Variants in PRKDC observed in about 807,000 individuals in gnomAD.
The protein encoded by PRKDC is protein kinase, DNA-activated, catalytic subunit.
Under a neutral mutation model 486.9 loss-of-function variants are expected in PRKDC, and 82 were observed. The observed-to-expected ratio is 0.17, with a 90% CI of 0.14 to 0.20. The LOEUF (loss-of-function observed/expected upper bound fraction) is 0.20, where lower values mean the gene tolerates loss of function less well. Ranked by LOEUF, PRKDC falls within the 10% of genes least tolerant of loss-of-function variation. The pLI is 1.00. For missense variants in PRKDC, 4,504 were observed against 5,038.2 expected (o/e 0.89, Z 3.21); for synonymous variants, 1,895 against 1,837.0 (o/e 1.03, Z -0.81).
chr8:47,841,249 C>T (rs2088135550), intron 54 of PRKDC, among the ~76,000 whole-genome samples: 1 of 152,206 alleles, frequency 6.6e-6, no homozygotes, highest in Non-Finnish European at 1.5e-5. Flanking sequence ...GCAGGTCTCA[C>T]TCAGTGTGGA....
rs376854660 is a variant in PRKDC at position 47,933,006 on chromosome 8, T to A, written c.1776+14A>T. On this transcript the variant is annotated intron_variant, in intron 16 of 85. Transcript: ENST00000314191. ...AAAAATGATGAAAAATTACTACTGA[T>A]AAAAATTTCTAACCTCTTGTTCCCC... 5 of 1,565,138 alleles carry A rather than the reference T, an allele frequency of 3.2e-6. No individual in the cohort carries two copies. The East Asian group carries it at 1.1e-4, about 36-fold the overall frequency.
chr8:47,953,486 A>T, intron 7 of PRKDC, 134 bp downstream of exon 7: 2 of 861,778 alleles, frequency 2.3e-6, no homozygotes. Context: ...GGGAGGGCCC[A>T]CAGGTCCCTC....
chr8:47,862,140 A>T lies in PRKDC; in HGVS notation c.5920-13T>A. Reference sequence around the variant, plus strand: ...AAATAAGCAAGTTCTGTGAATACAAAGAATCATATAAAAATAGCTGAATGG... The same window carrying T: ...AAATAAGCAAGTTCTGTGAATACAATGAATCATATAAAAATAGCTGAATGG... On this transcript the variant is annotated splice_polypyrimidine_tract_variant and intron_variant, in intron 43 of 85. Transcript: ENST00000314191. 6.5e-7 allele frequency: 1 copy of T among 1,539,002 alleles called. No homozygotes were observed. Among genetic ancestry groups the T allele is most frequent in the Non-Finnish European group, 8.8e-7 (1 of 1,137,704 alleles).
chr8:47,837,256 G>A lies in PRKDC; in HGVS notation c.7717C>T (p.Pro2573Ser), dbSNP rs377146876. ...AGAGGATGCTCGAACATGGGGTTTG[G>A]ATAATCTGGGCTCATGCTGGTCATT... ...LEMTSMSPDY[P>S]NPMFEHPLSE... is the part of the protein sequence containing the mutation. Residue 2573 changes from proline to serine, a missense_variant, in exon 57 of 86, where the codon CCA (proline) becomes TCA (serine). Physicochemically the swap from Pro to Ser is moderately conservative, Grantham distance 74 (BLOSUM62 -1). Coordinates refer to ENST00000314191, the MANE Select transcript of PRKDC (RefSeq NM_006904.7). 3.1e-6 allele frequency: 5 copies of A among 1,613,800 alleles called. No homozygotes were observed. In the African/African-American group the frequency reaches 6.7e-5, roughly 22 times the overall value.
chr8:47,789,790 T>A (rs1246531507), intron 74 of PRKDC, among the ~76,000 whole-genome samples: 1 of 152,202 alleles, frequency 6.6e-6, no homozygotes, highest in Non-Finnish European at 1.5e-5. Context: ...ATCAATCATA[T>A]CTACACAACA....
At chr8:47,785,357 G>C in intron 76 of PRKDC, 40 bp from the exon 77 acceptor site, 1 of 1,472,364 alleles carries the variant, frequency 6.8e-7, no homozygotes, top group Non-Finnish European at 9.3e-7. Flanking sequence ...CTGATGTTTA[G>C]TTTGGACTTT....
intron 59 of PRKDC, among the ~76,000 whole-genome samples, chr8:47,832,239 G>A (rs113860236): frequency 2.6e-5 from 4 of 152,290 alleles, no homozygotes; most frequent in African/African-American, 7.2e-5. Context: ...GAGCTGCCTC[G>A]GAGGCTTCAA....
At chr8:47,847,618 GCAA>G (rs2088297448) in intron 54 of PRKDC, among the ~76,000 whole-genome samples, 1 of 152,024 alleles carries the variant, frequency 6.6e-6, no homozygotes, top group Non-Finnish European at 1.5e-5. Flanking sequence ...AAAAGAAACT[GCAA>G]CAAAAACAAA....
intron 11 of PRKDC, among the ~76,000 whole-genome samples, chr8:47,938,316 CAGG>C (rs1231430457): frequency 2.0e-5 from 3 of 150,886 alleles, no homozygotes; most frequent in African/African-American, 7.3e-5. Flanking sequence ...GAGGCTGAGG[CAGG>C]AGAATTGCTT....
Position 47,800,864 on chromosome 8 carries a change from C to T in PRKDC, c.10045G>A (p.Ala3349Thr), listed in dbSNP as rs1260958711. The change falls in exon 71 of 86, where the codon GCT becomes ACT. Residue 3349 changes from alanine (A) to threonine (T), a missense_variant. Coordinates refer to ENST00000314191, the MANE Select transcript of PRKDC (RefSeq NM_006904.7). ...NALSSEPACL[A>T]EIEEDKARRI... ...CTAGCCTTGTCCTCCTCGATTTCAGCAAGGCAGGCTGGCTCACTGCTGAGA... is the reference window on the plus strand; with the variant it reads ...CTAGCCTTGTCCTCCTCGATTTCAGTAAGGCAGGCTGGCTCACTGCTGAGA... 1 of 1,613,570 alleles carries T rather than the reference C, an allele frequency of 6.2e-7. No homozygotes were observed. Among genetic ancestry groups the T allele is most frequent in the Admixed American group, 1.7e-5 (1 of 59,948 alleles).
At chr8:47,941,661 C>T (rs985556371) in intron 10 of PRKDC, among the ~76,000 whole-genome samples, 2 of 152,120 alleles carry the variant, frequency 1.3e-5, no homozygotes, top group African/African-American at 2.4e-5. Flanking sequence ...TTTATCTGGG[C>T]CCTTTAGCTG....
At chr8:47,864,429 G>T in intron 41 of PRKDC, 127 bp downstream of exon 41, 1 of 812,818 alleles carries the variant, frequency 1.2e-6, no homozygotes, top group Non-Finnish European at 1.9e-6. Flanking sequence ...ATCCCATGTA[G>T]CCACAGACTG....
chr8:47,868,838 C>T (rs542099721), intron 40 of PRKDC, among the ~76,000 whole-genome samples: 6 of 152,134 alleles, frequency 3.9e-5, no homozygotes, highest in African/African-American at 7.2e-5. Flanking sequence ...AGCAATTGCA[C>T]GCAGGACACA....
chr8:47,931,284 A>T (rs1234206913), intron 16 of PRKDC, among the ~76,000 whole-genome samples: 1 of 152,238 alleles, frequency 6.6e-6, no homozygotes, highest in Non-Finnish European at 1.5e-5. Context: ...ACAAGTAGTT[A>T]GAAATACAGA....
chr8:47,928,593 C>T (rs972349928), intron 19 of PRKDC, among the ~76,000 whole-genome samples: 3 of 150,688 alleles, frequency 2.0e-5, no homozygotes, highest in East Asian at 1.9e-4. Flanking sequence ...TGCTCTGTTC[C>T]CCAGGCTGGA....
intron 80 of PRKDC, chr8:47,779,319 G>T (rs1169924753): frequency 2.5e-6 from 1 of 405,338 alleles, no homozygotes; most frequent in Admixed American, 4.2e-5. Context: ...CCAAGCTATT[G>T]CCTATGAAAA....
At chr8:47,955,837 T>C (rs1181353772) in intron 4 of PRKDC, 37 bp downstream of exon 4, 1 of 1,467,622 alleles carries the variant, frequency 6.8e-7, no homozygotes, top group Non-Finnish European at 9.3e-7. Context: ...AAGTTACATG[T>C]TTAATGTAAA....
chr8:47,867,345 T>G (rs1052664334), intron 40 of PRKDC, among the ~76,000 whole-genome samples: 2 of 152,100 alleles, frequency 1.3e-5, no homozygotes, highest in Non-Finnish European at 2.9e-5. Flanking sequence ...ATGTTCAAAA[T>G]GAAAATTGAG....
At chr8:47,820,973 A>T in intron 65 of PRKDC, 30 bp from the exon 66 acceptor site, 2 of 1,385,758 alleles carry the variant, frequency 1.4e-6, no homozygotes, top group East Asian at 2.3e-5. Context: ...ACTTGTAACT[A>T]CAGAAGGCCA....
Sources: allele counts gnomAD v4.1 joint callset (sites outside exome capture counted in the v4.1 genomes callset), GRCh38; gene constraint gnomAD v4.1.1; transcripts MANE v1.5; gene names NCBI Gene and HGNC (gene_info 2026-07-23, HGNC 2026-07-21).